Variants in FGD4 observed in about 807,000 individuals in gnomAD.
FGD4 encodes the protein FYVE, RhoGEF and PH domain-containing protein 4.
FGD4 carries 42 observed loss-of-function variants against 102.0 expected under a neutral mutation model. That is an observed-to-expected ratio of 0.41 (90% confidence interval 0.32 to 0.53). FGD4 has a LOEUF of 0.53. Ranked by LOEUF, FGD4 falls within the 20% of genes least tolerant of loss-of-function variation. The pLI, the probability that FGD4 is intolerant of heterozygous loss-of-function variation, is 0.21. For synonymous variants in FGD4, 380 were observed against 375.7 expected (o/e 1.01, Z -0.13); for missense variants, 902 against 1,078.2 (o/e 0.84, Z 2.29).
At chr12:32,630,204 C>G (rs536361502) in intron 14 of FGD4, among the ~76,000 whole-genome samples, 1 of 152,086 alleles carries the variant, frequency 6.6e-6, no homozygotes, top group Admixed American at 6.6e-5. Flanking sequence ...CGTAAAGAAG[C>G]AAAGCATTAC....
intron 1 of FGD4, among the ~76,000 whole-genome samples, chr12:32,424,567 A>G (rs1432883786): frequency 6.6e-6 from 1 of 152,104 alleles, no homozygotes; most frequent in African/African-American, 2.4e-5. Context: ...ATGATTTATA[A>G]TCCTTTGGGT....
intron 14 of FGD4, among the ~76,000 whole-genome samples, chr12:32,627,900 G>C (rs866597111): frequency 4.1e-4 from 63 of 152,164 alleles, no homozygotes; most frequent in African/African-American, 1.4e-3. Context: ...GTGGACAGAA[G>C]AATTTCGGTA....
At chr12:32,475,541 C>T (rs7954700) in intron 1 of FGD4, among the ~76,000 whole-genome samples, 56,546 of 151,788 alleles carry the variant, frequency 0.37, 11,388 homozygotes, top group South Asian at 0.51. Context: ...TCCAAAAGCA[C>T]GGGTGTCTGT....
chr12:32,501,069 C>T (rs977512435), intron 1 of FGD4, among the ~76,000 whole-genome samples: 3 of 152,124 alleles, frequency 2.0e-5, no homozygotes, highest in African/African-American at 7.2e-5. Flanking sequence ...TCAGACTCTG[C>T]CTAGAGAGCT....
At chr12:32,597,946 T>A (rs1948045746) in intron 4 of FGD4, among the ~76,000 whole-genome samples, 1 of 152,194 alleles carries the variant, frequency 6.6e-6, no homozygotes, top group Admixed American at 6.5e-5. Flanking sequence ...GGCACAGTCA[T>A]GGCTTACACA....
At chr12:32,479,056 T>C (rs1365143647) in intron 1 of FGD4, among the ~76,000 whole-genome samples, 1 of 152,232 alleles carries the variant, frequency 6.6e-6, no homozygotes, top group African/African-American at 2.4e-5. Flanking sequence ...ATCTGTCAAG[T>C]AATTATTGTA....
intron 10 of FGD4, among the ~76,000 whole-genome samples, chr12:32,617,326 C>G (rs1051794880): frequency 1.3e-5 from 2 of 152,186 alleles, no homozygotes; most frequent in Non-Finnish European, 2.9e-5. Flanking sequence ...TTGATAGATG[C>G]AGATAATTTT....
chr12:32,539,081 G>A (rs10466827), intron 1 of FGD4, among the ~76,000 whole-genome samples: 64,720 of 151,748 alleles, frequency 0.43, 15,868 homozygotes, highest in African/African-American at 0.68. Context: ...AAATAAATAA[G>A]AAAAAGAGGT....
chr12:32,433,379 T>G (rs1236082517), intron 1 of FGD4, among the ~76,000 whole-genome samples: 2 of 151,836 alleles, frequency 1.3e-5, no homozygotes, highest in Non-Finnish European at 2.9e-5. Context: ...GTCGGAGTCT[T>G]GCTCTTTCAC....
At chr12:32,551,817 G>T (rs1010467756) in intron 1 of FGD4, among the ~76,000 whole-genome samples, 6 of 152,148 alleles carry the variant, frequency 3.9e-5, no homozygotes, top group Non-Finnish European at 5.9e-5. Context: ...TGTATTCACT[G>T]ATATTAAAGC....
At chr12:32,566,054 T>C (rs1565849598) in intron 2 of FGD4, among the ~76,000 whole-genome samples, 1 of 152,170 alleles carries the variant, frequency 6.6e-6, no homozygotes, top group Non-Finnish European at 1.5e-5. Context: ...ACAATAGAAA[T>C]GTAGTTCTCA....
chr12:32,567,030 C>T (rs1945244844), intron 2 of FGD4, among the ~76,000 whole-genome samples: 1 of 152,194 alleles, frequency 6.6e-6, no homozygotes, highest in Non-Finnish European at 1.5e-5. Context: ...CACAATCTTC[C>T]TGCACTTATC....
chr12:32,422,288 C>CTTTTTTTTTTTTTTT lies in FGD4; in HGVS notation c.166+22343_166+22357dup, dbSNP rs770560590. Among the ~76,000 whole-genome samples the CTTTTTTTTTTTTTTT allele has an allele frequency of 7.2e-4, 39 of 54,174 alleles. 8 individuals carry two copies. The highest frequency in any genetic ancestry group is 9.3e-4 in the Non-Finnish European group (28 of 30,242). 35.5% of individuals were successfully genotyped at this position (54,174 alleles called of 152,430 possible). A position where few individuals can be genotyped will look rare whatever the true frequency, so the allele number is the denominator to read the frequency against. On this transcript the variant is annotated intron_variant, in intron 1 of 16. Transcript: ENST00000534526. ...TTGAAGCATCTCAAATTGGGAGCTG[C>CTTTTTTTTTTTTTTT]TTTTTTTTTTTTTTTTTTTTTTTTT...
chr12:32,492,260 G>A (rs1474857831), intron 1 of FGD4, among the ~76,000 whole-genome samples: 1 of 152,190 alleles, frequency 6.6e-6, no homozygotes, highest in East Asian at 1.9e-4. Context: ...CAACCTCTAT[G>A]AAATAAAAGT....
chr12:32,459,583 A>G (rs1943044822), intron 1 of FGD4, among the ~76,000 whole-genome samples: 1 of 152,172 alleles, frequency 6.6e-6, no homozygotes, highest in South Asian at 2.1e-4. Flanking sequence ...AAAAATAAAG[A>G]TTTGATTCTT....
intron 2 of FGD4, among the ~76,000 whole-genome samples, chr12:32,567,686 CTT>C (rs36064998): frequency 6.4e-4 from 81 of 126,330 alleles, no homozygotes; most frequent in African/African-American, 1.8e-3. Flanking sequence ...TTATTGTGGG[CTT>C]TTTTTTTTTT....
At position 32,576,447 on chromosome 12, in the gene FGD4, C is replaced by T; in HGVS notation, c.501C>T (p.Gly167=). ...ATCTCATCAGTCGCTTTGAAGGAGG[C>T]AGGTAAGAGCTAATTTACAATGGGA... The part of the protein sequence containing the change: ...VSDLISRFEG[G]SSLSNYSDLK... Residue 167 remains glycine, a splice_region_variant and synonymous_variant, in exon 3 of 17, where the codon GGC becomes GGT. Transcript: ENST00000534526. The T allele has an allele frequency of 6.2e-7, 1 of 1,613,884 alleles. No homozygotes were observed. Among genetic ancestry groups the T allele is most frequent in the Non-Finnish European group, 8.5e-7 (1 of 1,179,972 alleles).
intron 1 of FGD4, among the ~76,000 whole-genome samples, chr12:32,432,902 C>T (rs571223112): frequency 4.6e-5 from 7 of 152,144 alleles, no homozygotes; most frequent in Non-Finnish European, 8.8e-5. Context: ...AATGCCAGCT[C>T]AATATATAAA....
At position 32,544,715 on chromosome 12, in the gene FGD4, A is replaced by G. The variant is rs923064345; in HGVS notation, c.167-19422A>G. 9.4e-5 allele frequency among the ~76,000 whole-genome samples: 14 copies of G among 149,182 alleles called. No homozygotes were observed. Among genetic ancestry groups the G allele is most frequent in the Non-Finnish European group, 1.5e-4 (10 of 67,736 alleles). The stretch of plus-strand genomic sequence containing the variant: ...CCATTGCACTCCAGCCTGGTGACAG[A>G]AGGATACTCTGTCTCCAAAAAAAAA... On this transcript the variant is annotated intron_variant, in intron 1 of 16. Transcript: ENST00000534526. The surrounding 1 kb of genome is among the most constrained non-coding windows in gnomAD (Gnocchi z 4.1).
Sources: gnomAD v4.1 joint callset for allele counts (sites outside exome capture counted in the v4.1 genomes callset) on GRCh38, gnomAD v4.1.1 for gene constraint, Gnocchi (gnomAD v3.1) non-coding constraint, MANE v1.5 for transcripts, NCBI Gene and HGNC (gene_info 2026-07-23, HGNC 2026-07-21) for gene names.